The following CD164L2 variants were observed in gnomAD, a reference collection of about 807,000 sequenced individuals.
CD164L2 encodes CD164 sialomucin-like 2 protein.
CD164L2 carries 21 observed loss-of-function variants against 23.9 expected under a neutral mutation model. The observed-to-expected ratio is 0.88, with a 90% CI of 0.62 to 1.27. The LOEUF (loss-of-function observed/expected upper bound fraction) is 1.27, where lower values mean the gene tolerates loss of function less well. CD164L2 is among the 50% of genes most tolerant of loss of function. The pLI is 0.00. For missense variants in CD164L2, 230 were observed against 224.8 expected, an observed-to-expected ratio of 1.02 and a Z score of -0.15; for synonymous variants, 92 against 90.2, an observed-to-expected ratio of 1.02 and a Z score of -0.11.
chr1:27,382,866 C>A (rs2016367080), intron 1 of CD164L2, among the ~76,000 whole-genome samples, 199 bp from the exon 2 acceptor site: 1 of 152,020 alleles, frequency 6.6e-6, no homozygotes, highest in South Asian at 2.1e-4. Flanking sequence ...AGCCTCCCCA[C>A]ATTCACCCAG....
chr1:27,381,585 T>C (rs1384810670), intron 4 of CD164L2, among the ~76,000 whole-genome samples, 195 bp downstream of exon 4: 1 of 152,194 alleles, frequency 6.6e-6, no homozygotes, highest in Non-Finnish European at 1.5e-5. Context: ...AAGTGGGCAC[T>C]GTACAGCTTC....
intron 1 of CD164L2, among the ~76,000 whole-genome samples, chr1:27,382,930 C>T (rs566563812): frequency 1.7e-4 from 26 of 152,118 alleles, no homozygotes; most frequent in African/African-American, 6.3e-4. Flanking sequence ...GAGCCACCTC[C>T]CCCAGACCAC....
chr1:27,379,636 C>T, intron 5 of CD164L2, 127 bp from the exon 6 acceptor site: 1 of 1,538,394 alleles, frequency 6.5e-7, no homozygotes, highest in South Asian at 1.2e-5. Flanking sequence ...ACCCGCCCCA[C>T]AGCACACACG....
At chr1:27,381,310 C>T (rs545718374) in intron 4 of CD164L2, among the ~76,000 whole-genome samples, 2 of 152,204 alleles carry the variant, frequency 1.3e-5, no homozygotes, top group Non-Finnish European at 2.9e-5. Context: ...CCTGCCAAGT[C>T]TGGTGACCTC....
chr1:27,381,009 G>C (rs1371145707), intron 4 of CD164L2, among the ~76,000 whole-genome samples: 3 of 152,240 alleles, frequency 2.0e-5, no homozygotes, highest in Non-Finnish European at 4.4e-5. Context: ...GGCAGGGCTG[G>C]TGGATGGAAG....
At chr1:27,383,017 C>T (rs1314574873) in intron 1 of CD164L2, 135 bp downstream of exon 1, 5 of 704,088 alleles carry the variant, frequency 7.1e-6, no homozygotes, top group Non-Finnish European at 4.8e-6. Flanking sequence ...GCCCCCTCTC[C>T]CACCCCTGGA....
rs772329179 is a variant in CD164L2, at chr1:27,382,580, A to C, written c.176T>G (p.Val59Gly). 2 of 1,613,356 alleles carry C rather than the reference A, an allele frequency of 1.2e-6. No homozygotes were observed. The highest frequency in any genetic ancestry group is 1.7e-6 in the Non-Finnish European group (2 of 1,179,884). The change falls in exon 2 of 6, where the codon GTC (valine) becomes GGC (glycine). Residue 59 changes from valine (V) to glycine (G), a missense_variant. By Grantham distance (109) the Val-to-Gly change is moderately radical. Coordinates refer to ENST00000374030, the MANE Select transcript of CD164L2 (RefSeq NM_001330448.1). ...AVQGACKQLE[V>G]CEHCVEGDGA... ...GTCTCCCTCCACGCAGTGCTCACAG[A>C]CCTCCAGCTGTTTGCAGGCCCCTTG... is the stretch of plus-strand genomic sequence containing the variant.
chr1:27,381,721 G>C, intron 4 of CD164L2, 59 bp downstream of exon 4: 1 of 1,590,430 alleles, frequency 6.3e-7, no homozygotes, highest in South Asian at 1.1e-5. Context: ...CCTGAGCCCA[G>C]AGCTGTCTTC....
At chr1:27,382,691 GGGA>G (rs745455702) in intron 1 of CD164L2, 24 bp from the exon 2 acceptor site, 2 of 1,590,686 alleles carry the variant, frequency 1.3e-6, no homozygotes, top group South Asian at 2.2e-5. Flanking sequence ...GGAGTGGGAA[GGGA>G]GAATTCCTCG....
rs1450449948 is a variant in CD164L2, at chr1:27,382,407, G to A, written c.257-8C>T. 1.9e-6 allele frequency: 3 copies of A among 1,601,052 alleles called. No individual in the cohort carries two copies. The highest frequency in any genetic ancestry group is 4.5e-5 in the East Asian group (2 of 44,566). On this transcript the variant is annotated splice_polypyrimidine_tract_variant and splice_region_variant and intron_variant, in intron 2 of 5. Transcript: ENST00000374030. Reference sequence around the variant, plus strand: ...ATTGGGCCACACAGTGTCCTGGTGAGAGAAGGTGCAGGGGGGAGGTTTGGG... The same window carrying A: ...ATTGGGCCACACAGTGTCCTGGTGAAAGAAGGTGCAGGGGGGAGGTTTGGG...
intron 1 of CD164L2, among the ~76,000 whole-genome samples, 173 bp from the exon 2 acceptor site, chr1:27,382,840 G>C (rs916037829): frequency 1.3e-5 from 2 of 150,508 alleles, no homozygotes; most frequent in African/African-American, 4.9e-5. Context: ...CACAGCAGAG[G>C]TCTACACACA....
chr1:27,381,664 G>T (rs2016336543), intron 4 of CD164L2, 116 bp downstream of exon 4: 2 of 1,107,510 alleles, frequency 1.8e-6, no homozygotes. Flanking sequence ...GCGGAGACAG[G>T]CTCCGAGGGA....
At chr1:27,382,199 C>G in intron 3 of CD164L2, 129 bp downstream of exon 3, 1 of 1,598,878 alleles carries the variant, frequency 6.3e-7, no homozygotes, top group Non-Finnish European at 8.5e-7. Flanking sequence ...GAGCTAAAGG[C>G]AGAACTGATA....
intron 5 of CD164L2, chr1:27,379,736 G>C (rs1387898526): frequency 6.9e-7 from 1 of 1,445,072 alleles, no homozygotes; most frequent in East Asian, 2.5e-5. Context: ...CCACAGAAAC[G>C]CGGGCCACAG....
chr1:27,383,188 A>C lies in CD164L2; in HGVS notation c.52T>G (p.Cys18Gly). The change falls in exon 1 of 6, where the codon TGC (cysteine) becomes GGC (glycine). Residue 18 changes from cysteine to glycine, a missense_variant. Cys to Gly is a radical substitution (Grantham distance 159, BLOSUM62 -3). Coordinates refer to ENST00000374030, the MANE Select transcript of CD164L2 (RefSeq NM_001330448.1). Reference sequence around the variant, plus strand: ...AGCTGGGCACATAGGAGGAGGCAGCAACAGCCGCCACAGAGCGCAGTCCGC... The same window carrying C: ...AGCTGGGCACATAGGAGGAGGCAGCCACAGCCGCCACAGAGCGCAGTCCGC... ...ALRTALCGGC[C>G]CLLLCAQLAV... 1 of 1,547,970 alleles carries C rather than the reference A, an allele frequency of 6.5e-7. No individual in the cohort carries two copies. The highest frequency in any genetic ancestry group is 1.2e-5 in the South Asian group (1 of 83,994).
intron 3 of CD164L2, 76 bp from the exon 4 acceptor site, chr1:27,381,900 C>T: frequency 6.3e-7 from 1 of 1,575,854 alleles, no homozygotes; most frequent in Non-Finnish European, 8.7e-7. Context: ...CCCCCACTCA[C>T]CGCTAAACTT....
chr1:27,383,001 G>C (rs2016369872), intron 1 of CD164L2, 151 bp downstream of exon 1: 1 of 657,224 alleles, frequency 1.5e-6, no homozygotes, highest in Non-Finnish European at 2.6e-6. Flanking sequence ...TCCACACAGA[G>C]CTGGAGCCCC....
At chr1:27,379,994 G>A in intron 5 of CD164L2, 57 bp downstream of exon 5, 1 of 1,596,590 alleles carries the variant, frequency 6.3e-7, no homozygotes, top group South Asian at 1.1e-5. Context: ...GGAACGGTGG[G>A]GCAGGAACCA....
chr1:27,380,629 C>T (rs990025552), intron 4 of CD164L2, among the ~76,000 whole-genome samples: 9 of 152,206 alleles, frequency 5.9e-5, no homozygotes, highest in South Asian at 2.1e-4. Flanking sequence ...AAGATGCAGA[C>T]GATATAGTCC....
Sources: allele counts gnomAD v4.1 joint callset (sites outside exome capture counted in the v4.1 genomes callset), GRCh38; gene constraint gnomAD v4.1.1; transcripts MANE v1.5; gene names NCBI Gene and HGNC (gene_info 2026-07-23, HGNC 2026-07-21).